NDFIP1: variants seen among roughly 807,000 people sequenced by gnomAD.
NDFIP1 encodes Nedd4 family interacting protein 1.
Under a neutral mutation model 28.8 loss-of-function variants are expected in NDFIP1, and 7 were observed. The observed-to-expected ratio is 0.24, with a 90% confidence interval of 0.14 to 0.46. NDFIP1 has a LOEUF of 0.46. Among genes scored for constraint, NDFIP1 ranks in the 20% least tolerant of loss-of-function variants. The probability of loss-of-function intolerance (pLI) is 0.99; values close to 1 mark genes in which losing one functional copy is unlikely to be tolerated. For synonymous variants in NDFIP1, 92 were observed against 101.0 expected (o/e 0.91, Z 0.53); for missense variants, 194 against 269.1 (o/e 0.72, Z 1.95).
intron 6 of NDFIP1, chr5:142,142,940 A>AAAAATATATATATATATATATAT (rs60076432): frequency 5.2e-5 from 2 of 38,148 alleles, no homozygotes; most frequent in Admixed American, 4.0e-4. Flanking sequence ...AAAAAAAAAA[A>AAAAATATATATATATATATATAT]ATATATATAT....
chr5:142,134,886 T>G (rs906061761), intron 3 of NDFIP1, among the ~76,000 whole-genome samples: 7 of 152,110 alleles, frequency 4.6e-5, no homozygotes, highest in Admixed American at 1.3e-4. Context: ...GCTTATGGAG[T>G]TGAGCAGTGG....
At chr5:142,128,758 AG>A (rs1355098225) in intron 1 of NDFIP1, among the ~76,000 whole-genome samples, 1 of 152,222 alleles carries the variant, frequency 6.6e-6, no homozygotes. Context: ...AATTGAAAAA[AG>A]TACACTATTC....
intron 3 of NDFIP1, among the ~76,000 whole-genome samples, chr5:142,133,335 A>G (rs1320090755): frequency 1.3e-5 from 2 of 152,236 alleles, no homozygotes; most frequent in African/African-American, 4.8e-5. Context: ...TAACTGCCGT[A>G]TATTGGAAGC....
chr5:142,115,353 G>A (rs571364180), intron 1 of NDFIP1, among the ~76,000 whole-genome samples: 16 of 152,120 alleles, frequency 1.1e-4, no homozygotes, highest in African/African-American at 3.6e-4. Context: ...GCGCGATCTC[G>A]GCTCACTGCA....
At chr5:142,139,825 C>T (rs1406053303) in intron 5 of NDFIP1, among the ~76,000 whole-genome samples, 3 of 152,060 alleles carry the variant, frequency 2.0e-5, no homozygotes, top group Non-Finnish European at 4.4e-5. Context: ...CAAATGCAGC[C>T]TGGACAACAT....
At chr5:142,116,703 T>TTTTA (rs1372187022) in intron 1 of NDFIP1, among the ~76,000 whole-genome samples, 13 of 151,988 alleles carry the variant, frequency 8.6e-5, no homozygotes, top group South Asian at 4.2e-4. Flanking sequence ...TCCTCTTCTT[T>TTTTA]TTTATTTATT....
At chr5:142,141,528 C>T (rs151269993) in intron 6 of NDFIP1, among the ~76,000 whole-genome samples, 2 of 152,032 alleles carry the variant, frequency 1.3e-5, no homozygotes, top group East Asian at 3.9e-4. Context: ...TTTTCCTAGA[C>T]ATTAAAACAA....
intron 1 of NDFIP1, among the ~76,000 whole-genome samples, chr5:142,116,231 C>G (rs1757065735): frequency 6.6e-6 from 1 of 152,146 alleles, no homozygotes; most frequent in Admixed American, 6.5e-5. Context: ...ATTAAATGTC[C>G]TAAATACTAG....
chr5:142,109,171 G>A, intron 1 of NDFIP1, 134 bp downstream of exon 1: 5 of 783,998 alleles, frequency 6.4e-6, no homozygotes, highest in Non-Finnish European at 8.6e-6. Flanking sequence ...GGCCTGGAGG[G>A]GCGGGTCGGG....
chr5:142,133,030 G>T (rs1757241853), intron 3 of NDFIP1, among the ~76,000 whole-genome samples: 1 of 152,258 alleles, frequency 6.6e-6, no homozygotes, highest in Admixed American at 6.5e-5. Context: ...GGACCATCAG[G>T]CCTCTAGGCT....
At chr5:142,121,435 G>A (rs1349682972) in intron 1 of NDFIP1, among the ~76,000 whole-genome samples, 2 of 152,142 alleles carry the variant, frequency 1.3e-5, no homozygotes, top group East Asian at 3.9e-4. Context: ...GGAATACATA[G>A]TATAGATATA....
chr5:142,133,195 A>G (rs1280504098), intron 3 of NDFIP1, among the ~76,000 whole-genome samples: 1 of 152,182 alleles, frequency 6.6e-6, no homozygotes, highest in Admixed American at 6.5e-5. Context: ...TCCTAAAATC[A>G]TTGCTTGGTA....
At chr5:142,112,477 T>G (rs1757024498) in intron 1 of NDFIP1, among the ~76,000 whole-genome samples, 1 of 148,644 alleles carries the variant, frequency 6.7e-6, no homozygotes, top group African/African-American at 2.5e-5. Context: ...AGGCAGAGTT[T>G]GCAGTAGGCT....
At chr5:142,113,343 T>G (rs1410804745) in intron 1 of NDFIP1, among the ~76,000 whole-genome samples, 1 of 152,226 alleles carries the variant, frequency 6.6e-6, no homozygotes, top group Non-Finnish European at 1.5e-5. Context: ...TTAGATGAAG[T>G]AATGATCCTG....
intron 6 of NDFIP1, among the ~76,000 whole-genome samples, chr5:142,142,517 C>T (rs1285813432): frequency 1.3e-5 from 2 of 152,102 alleles, no homozygotes; most frequent in Non-Finnish European, 2.9e-5. Flanking sequence ...TTGCTTATGG[C>T]ATAAATAATT....
chr5:142,115,173 A>G (rs1313746140), intron 1 of NDFIP1, among the ~76,000 whole-genome samples: 1 of 152,230 alleles, frequency 6.6e-6, no homozygotes, highest in East Asian at 1.9e-4. Flanking sequence ...GATTCAAGTG[A>G]CATCCTCAGA....
At chr5:142,135,670 C>A (rs771529824) in intron 3 of NDFIP1, 60 bp from the exon 4 acceptor site, 95 of 1,440,042 alleles carry the variant, frequency 6.6e-5, no homozygotes, top group Middle Eastern at 1.8e-4. Flanking sequence ...CAAATTTAAC[C>A]CTTCATTTTT....
chr5:142,141,384 G>C (rs1295409804), intron 6 of NDFIP1, among the ~76,000 whole-genome samples: 1 of 151,724 alleles, frequency 6.6e-6, no homozygotes, highest in South Asian at 2.1e-4. Context: ...TACCGTGTTG[G>C]CCAGGATGGT....
chr5:142,149,199 C>T (rs1757421157), intron 7 of NDFIP1, among the ~76,000 whole-genome samples: 2 of 152,066 alleles, frequency 1.3e-5, no homozygotes, highest in Non-Finnish European at 2.9e-5. Context: ...TGATAACAGA[C>T]ACTTTCATTT....
Sources: gnomAD v4.1 joint callset for allele counts (sites outside exome capture counted in the v4.1 genomes callset) on GRCh38, gnomAD v4.1.1 for gene constraint, MANE v1.5 for transcripts, NCBI Gene and HGNC (gene_info 2026-07-23, HGNC 2026-07-21) for gene names.